The following PRKN variants were observed in gnomAD, a reference collection of about 807,000 sequenced individuals.
The protein encoded by PRKN is E3 ubiquitin-protein ligase parkin.
PRKN carries 56 observed loss-of-function variants against 59.5 expected under a neutral mutation model. The ratio of observed to expected loss-of-function variants is 0.94; its 90% CI spans 0.76 to 1.18. The LOEUF (loss-of-function observed/expected upper bound fraction) is 1.18, where lower values mean the gene tolerates loss of function less well. Ranked by LOEUF, PRKN falls within the 50% of genes most tolerant of loss-of-function variation. The probability of loss-of-function intolerance (pLI) is 0.00; values close to 1 mark genes in which losing one functional copy is unlikely to be tolerated. For synonymous variants in PRKN, 250 were observed against 222.1 expected (o/e 1.13, Z -1.12); for missense variants, 657 against 596.4 (o/e 1.10, Z -1.06).
intron 4 of PRKN, among the ~76,000 whole-genome samples, chr6:162,112,354 A>G (rs4709573): frequency 1.4e-3 from 209 of 152,306 alleles, no homozygotes; most frequent in Admixed American, 0.012. Flanking sequence ...ATGTCTATAC[A>G]ATTACTAGGA....
At chr6:162,241,836 T>C (rs992809192) in intron 3 of PRKN, among the ~76,000 whole-genome samples, 1 of 152,094 alleles carries the variant, frequency 6.6e-6, no homozygotes. Context: ...AACACAGATA[T>C]GCCAGGTTTT....
chr6:162,034,202 G>T (rs1430723207), intron 5 of PRKN, among the ~76,000 whole-genome samples: 5 of 151,250 alleles, frequency 3.3e-5, no homozygotes, highest in South Asian at 4.2e-4. Context: ...GAGAGAGAGA[G>T]AGAGAGAGAG....
intron 4 of PRKN, among the ~76,000 whole-genome samples, chr6:162,142,540 G>C (rs1295222647): frequency 6.6e-6 from 1 of 152,118 alleles, no homozygotes; most frequent in Non-Finnish European, 1.5e-5. Flanking sequence ...GTGTCTCCTA[G>C]CCGAATGACC....
intron 9 of PRKN, among the ~76,000 whole-genome samples, chr6:161,522,212 A>G (rs1237846568): frequency 6.6e-6 from 1 of 152,204 alleles, no homozygotes; most frequent in Non-Finnish European, 1.5e-5. Context: ...TGTTGTTGTC[A>G]GAATGCCTAT....
intron 7 of PRKN, among the ~76,000 whole-genome samples, chr6:161,746,155 G>A (rs1420892478): frequency 3.9e-5 from 6 of 152,318 alleles, no homozygotes; most frequent in South Asian, 4.1e-4. Context: ...CTGGGTGCCC[G>A]AGTAATTTCC....
rs796313244 is a variant in PRKN, at chr6:161,588,367, C to T, written c.872-18951G>A. Among the ~76,000 whole-genome samples, 16 of 138,202 alleles carry T rather than the reference C, an allele frequency of 1.2e-4. No individual in the cohort carries two copies. Among genetic ancestry groups the T allele is most frequent in the African/African-American group, 2.9e-4 (10 of 34,190 alleles). The allele number at this position is 138,202 out of a possible 152,430, so 90.7% of individuals were successfully genotyped here. A position where few individuals can be genotyped will look rare whatever the true frequency, so the allele number is the denominator to read the frequency against. Reference sequence around the variant, plus strand: ...TGCATTCCAGCCTGGGCAACAAGAGCGAAACTCTGTCCCCTCGCCAAAAAA... The same window carrying T: ...TGCATTCCAGCCTGGGCAACAAGAGTGAAACTCTGTCCCCTCGCCAAAAAA... On this transcript the variant is annotated intron_variant, in intron 7 of 11. Transcript: ENST00000366898. The surrounding 1 kb of genome is among the most constrained non-coding windows in gnomAD (Gnocchi z 5.0).
rs1785452575 is a variant in PRKN, at chr6:161,371,738, A to C, written c.1168-11533T>G. 6.6e-6 allele frequency among the ~76,000 whole-genome samples: 1 copy of C among 152,198 alleles called. No homozygotes were observed. Among genetic ancestry groups the C allele is most frequent in the Non-Finnish European group, 1.5e-5 (1 of 68,040 alleles). On this transcript the variant is annotated intron_variant, in intron 10 of 11. Transcript: ENST00000366898. The surrounding 1 kb of genome is among the most constrained non-coding windows in gnomAD (Gnocchi z 5.5). Reference sequence around the variant, plus strand: ...ACTACAACCTCCACCTCCTGGGTTCAAGCGATTCTCATGCCTCAGCCTCCT... The same window carrying C: ...ACTACAACCTCCACCTCCTGGGTTCCAGCGATTCTCATGCCTCAGCCTCCT...
intron 6 of PRKN, among the ~76,000 whole-genome samples, chr6:161,823,650 A>T (rs1248762605): frequency 6.6e-6 from 1 of 152,222 alleles, no homozygotes. Context: ...ATCTTTTAAA[A>T]TGTTAGGGTA....
chr6:161,436,701 T>C (rs1472901784), intron 9 of PRKN, among the ~76,000 whole-genome samples: 1 of 152,014 alleles, frequency 6.6e-6, no homozygotes, highest in Non-Finnish European at 1.5e-5. Context: ...TGACTCTTAT[T>C]ATCCTGGTTG....
chr6:162,660,582 G>T (rs1778840374), intron 1 of PRKN, among the ~76,000 whole-genome samples: 1 of 152,132 alleles, frequency 6.6e-6, no homozygotes, highest in Non-Finnish European at 1.5e-5. Flanking sequence ...AGACCTCTGA[G>T]ACAGTGTTCA....
At chr6:162,339,308 G>T (rs865862224) in intron 2 of PRKN, among the ~76,000 whole-genome samples, 7 of 138,156 alleles carry the variant, frequency 5.1e-5, no homozygotes, top group Admixed American at 1.4e-4. Flanking sequence ...TCAGCCCCCC[G>T]CCCGGCCAGC....
rs965349118 is a variant in PRKN at position 161,356,612 on chromosome 6, G to C, written c.1285+3476C>G. 1.3e-5 allele frequency among the ~76,000 whole-genome samples: 2 copies of C among 149,540 alleles called. No homozygotes were observed. The highest frequency in any genetic ancestry group is 2.6e-5 in the African/African-American group (1 of 38,970). ...GTGGGCAGACGCTGGATCAGAGCAC[G>C]GGGAAGGCCGTGGTGACCGGGGATT... On this transcript the variant is annotated intron_variant, in intron 11 of 11. Coordinates refer to ENST00000366898, the MANE Select transcript of PRKN (RefSeq NM_004562.3). This position sits in a 1 kb window ranked among gnomAD's most constrained non-coding sequence, Gnocchi z 7.8.
chr6:162,701,902 AAACC>A (rs1778171344), intron 1 of PRKN, among the ~76,000 whole-genome samples: 1 of 151,650 alleles, frequency 6.6e-6, no homozygotes, highest in African/African-American at 2.4e-5. Context: ...CGACAAAATG[AAACC>A]AACAGAAGCT....
chr6:162,390,242 C>T (rs920893415), intron 2 of PRKN, among the ~76,000 whole-genome samples: 4 of 151,538 alleles, frequency 2.6e-5, no homozygotes, highest in Admixed American at 1.3e-4. Context: ...ATGTATAACA[C>T]CAAATAGTGA....
At chr6:161,908,258 A>T (rs1778224809) in intron 6 of PRKN, among the ~76,000 whole-genome samples, 1 of 152,208 alleles carries the variant, frequency 6.6e-6, no homozygotes, top group Non-Finnish European at 1.5e-5. Context: ...GATTTCCGGT[A>T]CATGGACGAT....
chr6:162,546,806 C>T lies in PRKN; in HGVS notation c.8-103333G>A, dbSNP rs534571211. Among the ~76,000 whole-genome samples the T allele has an allele frequency of 5.9e-5, 9 of 152,114 alleles. No homozygotes were observed. In the South Asian group the frequency reaches 8.3e-4, roughly 14 times the overall value. On this transcript the variant is annotated intron_variant, in intron 1 of 11. Transcript: ENST00000366898. ...TTTCACCTAACAGAAGCAAAATACA[C>T]GCCTAATTGAAAGACAGTCAGTGTG... is the stretch of plus-strand genomic sequence containing the variant.
At chr6:162,394,859 G>A (rs974516219) in intron 2 of PRKN, among the ~76,000 whole-genome samples, 5 of 152,154 alleles carry the variant, frequency 3.3e-5, no homozygotes, top group Non-Finnish European at 1.5e-5. Context: ...TCCTGTATAT[G>A]TTTAAAGTTT....
At chr6:161,528,826 A>G (rs978259615) in intron 9 of PRKN, among the ~76,000 whole-genome samples, 3 of 152,164 alleles carry the variant, frequency 2.0e-5, no homozygotes, top group African/African-American at 7.2e-5. Context: ...GTGAAGTCCA[A>G]TGAGAATCTA....
intron 7 of PRKN, among the ~76,000 whole-genome samples, chr6:161,742,880 A>G (rs1019730694): frequency 1.3e-5 from 2 of 152,138 alleles, no homozygotes; most frequent in African/African-American, 4.8e-5. Context: ...AACCAGGCCC[A>G]CCCTTTCTCT....
Sources: gnomAD v4.1 joint callset for allele counts (sites outside exome capture counted in the v4.1 genomes callset) on GRCh38, gnomAD v4.1.1 for gene constraint, Gnocchi (gnomAD v3.1) non-coding constraint, MANE v1.5 for transcripts, NCBI Gene and HGNC (gene_info 2026-07-23, HGNC 2026-07-21) for gene names.